The following MTMR2 variants were observed in gnomAD, a reference collection of about 807,000 sequenced individuals.
MTMR2 encodes myotubularin related protein 2, also known as phosphatidylinositol-3,5-bisphosphate 3-phosphatase MTMR2.
In MTMR2, 55 loss-of-function variants were observed where a neutral mutation model predicts 86.9. That is an observed-to-expected ratio of 0.63 (90% CI 0.51 to 0.79). MTMR2 has a LOEUF of 0.79. Among genes scored for constraint, MTMR2 ranks in the 30% least tolerant of loss-of-function variants. The probability of loss-of-function intolerance (pLI) is 0.00; values close to 1 mark genes in which losing one functional copy is unlikely to be tolerated. For missense variants in MTMR2, 659 were observed against 772.3 expected (o/e 0.85, Z 1.74); for synonymous variants, 241 against 266.8 (o/e 0.90, Z 0.94).
chr11:95,914,622 C>G (rs1866633443), intron 1 of MTMR2, among the ~76,000 whole-genome samples: 2 of 152,148 alleles, frequency 1.3e-5, no homozygotes. Flanking sequence ...AAAATTCTCT[C>G]CAAATACAAA....
At position 95,839,517 on chromosome 11, in the gene MTMR2, CA is replaced by C. The variant is rs1359099549; in HGVS notation, c.1480-1311del. The stretch of plus-strand genomic sequence containing the variant: ...ACAGTGTAATCAGTAGGCATTTCCT[CA>C]CAAAGAAAGTAAAATAGCAGGGCAT... On this transcript the variant is annotated intron_variant, in intron 12 of 14. Coordinates refer to ENST00000346299, the MANE Select transcript of MTMR2 (RefSeq NM_016156.6). Among the ~76,000 whole-genome samples, 3 of 152,238 alleles carry C rather than the reference CA, an allele frequency of 2.0e-5. No individual in the cohort carries two copies. The East Asian group carries it at 5.8e-4, about 29-fold the overall frequency.
At chr11:95,852,940 CAGG>C (rs1405439425) in intron 7 of MTMR2, among the ~76,000 whole-genome samples, 2 of 151,802 alleles carry the variant, frequency 1.3e-5, no homozygotes, top group Admixed American at 6.6e-5. Context: ...GAAGCTGAGG[CAGG>C]AGAACTGCTT....
chr11:95,893,423 G>A (rs1381460919), intron 1 of MTMR2, among the ~76,000 whole-genome samples: 1 of 151,924 alleles, frequency 6.6e-6, no homozygotes, highest in Non-Finnish European at 1.5e-5. Context: ...ACCTAGTAGA[G>A]ACACCCAGAC....
chr11:95,918,064 C>T (rs368749814), intron 1 of MTMR2, among the ~76,000 whole-genome samples: 3 of 152,180 alleles, frequency 2.0e-5, no homozygotes, highest in African/African-American at 7.2e-5. Flanking sequence ...ATGACTTTTA[C>T]CTTTTACTAC....
intron 1 of MTMR2, among the ~76,000 whole-genome samples, chr11:95,909,822 A>G (rs1228976138): frequency 6.6e-6 from 1 of 152,126 alleles, no homozygotes; most frequent in Non-Finnish European, 1.5e-5. Context: ...ACTTAGTGTT[A>G]AGTACTGAAC....
At chr11:95,877,158 A>G (rs1358242844) in intron 2 of MTMR2, among the ~76,000 whole-genome samples, 2 of 152,154 alleles carry the variant, frequency 1.3e-5, no homozygotes, top group South Asian at 4.1e-4. Context: ...AAAACTGTTT[A>G]TATCAATTAT....
intron 1 of MTMR2, 24 bp from the exon 2 acceptor site, chr11:95,888,285 T>C (rs1308278535): frequency 3.8e-6 from 6 of 1,571,580 alleles, no homozygotes; most frequent in African/African-American, 2.7e-5. Context: ...AAGTACAGTA[T>C]GTTGGAAAAA....
chr11:95,867,125 A>G (rs1864643570), intron 2 of MTMR2, among the ~76,000 whole-genome samples: 1 of 152,162 alleles, frequency 6.6e-6, no homozygotes, highest in South Asian at 2.1e-4. Context: ...AACAAAACAA[A>G]TATCAGAGTA....
At chr11:95,863,944 T>G (rs936637409) in intron 3 of MTMR2, among the ~76,000 whole-genome samples, 5 of 152,080 alleles carry the variant, frequency 3.3e-5, no homozygotes, top group African/African-American at 1.2e-4. Flanking sequence ...TGACTGGATG[T>G]TAAGAGTCCA....
chr11:95,869,736 G>T lies in MTMR2; in HGVS notation c.187-4060C>A, dbSNP rs530153190. On this transcript the variant is annotated intron_variant, in intron 2 of 14. Transcript: ENST00000346299. ...TGAGAGAATAAAGGAGATGGCTTGA[G>T]AAATAAAAATGGAGTAAAAGTTTAG... is the stretch of plus-strand genomic sequence containing the variant. Among the ~76,000 whole-genome samples the T allele has an allele frequency of 1.1e-4, 16 of 152,292 alleles. No individual in the cohort carries two copies. In the South Asian group the frequency reaches 3.3e-3, roughly 32 times the overall value.
At chr11:95,870,733 T>G (rs1408631052) in intron 2 of MTMR2, among the ~76,000 whole-genome samples, 6 of 144,824 alleles carry the variant, frequency 4.1e-5, no homozygotes, top group Admixed American at 1.4e-4. Flanking sequence ...CTTTTTTTCT[T>G]TTTCTTTTTT....
Position 95,893,068 on chromosome 11 carries a change from A to C in MTMR2, c.81-4807T>G, listed in dbSNP as rs145282749. On this transcript the variant is annotated intron_variant, in intron 1 of 14. Transcript: ENST00000346299. ...CTTTTCAGTATACAACCTCCTTGTTACTATCATCCACCCACCCATCCTCCT... is the reference window on the plus strand; with the variant it reads ...CTTTTCAGTATACAACCTCCTTGTTCCTATCATCCACCCACCCATCCTCCT... Among the ~76,000 whole-genome samples the C allele has an allele frequency of 1.7e-3, 262 of 152,222 alleles. 1 individual carries two copies. The highest frequency in any genetic ancestry group is 6.0e-3 in the African/African-American group (251 of 41,538).
intron 2 of MTMR2, among the ~76,000 whole-genome samples, chr11:95,875,588 C>T (rs1865077868): frequency 6.6e-6 from 1 of 152,140 alleles, no homozygotes; most frequent in African/African-American, 2.4e-5. Context: ...AAGCCTTCTT[C>T]TCTCAACTCG....
At chr11:95,921,748 G>C (rs1190577625) in intron 1 of MTMR2, among the ~76,000 whole-genome samples, 1 of 152,144 alleles carries the variant, frequency 6.6e-6, no homozygotes, top group Non-Finnish European at 1.5e-5. Flanking sequence ...ATGAAAGCTG[G>C]CATTCTCTTA....
intron 1 of MTMR2, among the ~76,000 whole-genome samples, chr11:95,904,293 T>C (rs1302792822): frequency 2.0e-5 from 3 of 152,208 alleles, no homozygotes; most frequent in African/African-American, 7.2e-5. Flanking sequence ...AAAGTATTAT[T>C]TCTCTCATCT....
Position 95,836,374 on chromosome 11 carries a change from C to G in MTMR2, c.1594-50G>C, listed in dbSNP as rs183056793. 6.9e-5 allele frequency: 104 copies of G among 1,516,006 alleles called. No individual in the cohort carries two copies. In the African/African-American group the frequency reaches 1.3e-3, roughly 19 times the overall value. 93.9% of individuals were successfully genotyped at this position (1,516,006 alleles called of 1,614,324 possible). A position where few individuals can be genotyped will look rare whatever the true frequency, so the allele number is the denominator to read the frequency against. On this transcript the variant is annotated intron_variant, in intron 13 of 14. Transcript: ENST00000346299. ...GATTCTCCACCACATAAGCCATTTA[C>G]ACTTTAGATGAAATTTGTGAAGAAG...
chr11:95,849,802 C>T lies in MTMR2; in HGVS notation c.865G>A (p.Val289Ile). ...ATITRCSQPMVGVSGKRSKED... is the reference protein window; with the variant it reads ...ATITRCSQPMIGVSGKRSKED... ...TTGCTTCGCTTTCCACTCACTCCAACCATGGGCTGGCTACACCGAGTGATT... is the reference window on the plus strand; with the variant it reads ...TTGCTTCGCTTTCCACTCACTCCAATCATGGGCTGGCTACACCGAGTGATT... The change falls in exon 9 of 15, where the codon GTT (valine) becomes ATT (isoleucine). Residue 289 changes from valine (V) to isoleucine (I), a missense_variant. Around this residue, in one of 3 missense-constraint regions of MTMR2, gnomAD observed 387 missense variants for 526.3 expected, o/e 0.74. Coordinates refer to ENST00000346299, the MANE Select transcript of MTMR2 (RefSeq NM_016156.6). 6.2e-7 allele frequency: 1 copy of T among 1,614,156 alleles called. No homozygotes were observed.
intron 1 of MTMR2, among the ~76,000 whole-genome samples, chr11:95,909,568 C>T (rs1429887355): frequency 1.3e-5 from 2 of 152,130 alleles, no homozygotes; most frequent in African/African-American, 4.8e-5. Context: ...GGTCTTCCAC[C>T]TCTAACTAAA....
intron 1 of MTMR2, among the ~76,000 whole-genome samples, chr11:95,909,471 C>T (rs922668494): frequency 3.9e-5 from 6 of 152,238 alleles, no homozygotes; most frequent in Admixed American, 3.9e-4. Context: ...AAAAATCTGT[C>T]TCCAGATAGC....
Sources: gnomAD v4.1 joint callset for allele counts (sites outside exome capture counted in the v4.1 genomes callset) on GRCh38, gnomAD v4.1.1 for gene constraint, gnomAD v4.1.1 regional missense constraint, MANE v1.5 for transcripts, NCBI Gene and HGNC (gene_info 2026-07-23, HGNC 2026-07-21) for gene names.